BAG2: variants seen among roughly 807,000 people sequenced by gnomAD.
The protein encoded by BAG2 is BAG family molecular chaperone regulator 2.
Under a neutral mutation model 16.4 loss-of-function variants are expected in BAG2, and 8 were observed. The ratio of observed to expected loss-of-function variants is 0.49; its 90% CI spans 0.29 to 0.88. The LOEUF (loss-of-function observed/expected upper bound fraction) is 0.88. Among genes scored for constraint, BAG2 ranks in the 40% least tolerant of loss-of-function variants. BAG2 has a pLI of 0.09. For missense variants in BAG2, 218 were observed against 248.9 expected (o/e 0.88, Z 0.84); for synonymous variants, 82 against 89.2 (o/e 0.92, Z 0.46).
intron 1 of BAG2, among the ~76,000 whole-genome samples, chr6:57,175,646 ATGC>A (rs1764260616): frequency 6.6e-6 from 1 of 152,180 alleles, no homozygotes; most frequent in Non-Finnish European, 1.5e-5. Flanking sequence ...GTTGTCATTC[ATGC>A]TTATATAAAA....
In BAG2 at chr6:57,172,736, G is replaced by C; in HGVS notation, c.39G>C (p.Gly13=). The change falls in exon 1 of 3, where the codon GGG becomes GGC. Residue 13 remains glycine, a synonymous_variant. Transcript: ENST00000370693. ...QAKINAKANE[G]RFCRSSSMAD... ...AGATCAACGCTAAAGCCAACGAGGGGCGCTTCTGCCGCTCCTCCTCCATGG... is the reference window on the plus strand; with the variant it reads ...AGATCAACGCTAAAGCCAACGAGGGCCGCTTCTGCCGCTCCTCCTCCATGG... 1 of 1,581,978 alleles carries C rather than the reference G, an allele frequency of 6.3e-7. No homozygotes were observed. Among genetic ancestry groups the C allele is most frequent in the Non-Finnish European group, 8.6e-7 (1 of 1,166,980 alleles).
chr6:57,172,692 G>C lies in BAG2; in HGVS notation c.-6G>C. 6.4e-7 allele frequency: 1 copy of C among 1,550,678 alleles called. No homozygotes were observed. Among genetic ancestry groups the C allele is most frequent in the South Asian group, 1.2e-5 (1 of 83,162 alleles). On this transcript the variant is annotated 5_prime_UTR_variant, in exon 1 of 3. Coordinates refer to ENST00000370693, the MANE Select transcript of BAG2 (RefSeq NM_004282.4). ...ACCTCTTGGCTACCCCGCGTCGGAG[G>C]CTTAGATGGCTCAGGCGAAGATCAA...
intron 1 of BAG2, among the ~76,000 whole-genome samples, chr6:57,180,603 A>G (rs559702968): frequency 2.6e-5 from 4 of 152,312 alleles, no homozygotes; most frequent in African/African-American, 9.6e-5. Flanking sequence ...AGAAAAAAAC[A>G]AAACATTCTT....
intron 1 of BAG2, chr6:57,173,226 G>A: frequency 2.2e-5 from 22 of 987,684 alleles, no homozygotes; most frequent in Non-Finnish European, 2.6e-5. Flanking sequence ...TTCTCGTTAT[G>A]CATTTTTTAA....
chr6:57,183,648 A>T, intron 2 of BAG2, 130 bp from the exon 3 acceptor site: 1 of 704,774 alleles, frequency 1.4e-6, no homozygotes, highest in Non-Finnish European at 2.2e-6. Context: ...TTAATCTTAC[A>T]TGCTATAGTT....
chr6:57,184,424 C>T lies in BAG2; in HGVS notation c.*234C>T, dbSNP rs2127993752. ...TTGAATTCTTGTCTTGTACTAGGAT[C>T]TAGCATATTTCACTATTCTGTGGAT... On this transcript the variant is annotated 3_prime_UTR_variant, in exon 3 of 3. Coordinates refer to ENST00000370693, the MANE Select transcript of BAG2 (RefSeq NM_004282.4). The T allele has an allele frequency of 3.0e-6, 1 of 336,208 alleles. No individual in the cohort carries two copies. Among genetic ancestry groups the T allele is most frequent in the East Asian group, 4.9e-5 (1 of 20,376 alleles). 20.8% of individuals were successfully genotyped at this position (336,208 alleles called of 1,614,324 possible).
rs551039343 is a variant in BAG2 at position 57,186,797 on chromosome 6, A to G, written c.*2607A>G. The G allele has an allele frequency of 1.2e-4, 18 of 152,320 alleles. No homozygotes were observed. In the East Asian group the frequency reaches 3.3e-3, roughly 28 times the overall value. The allele number at this position is 152,320 out of a possible 1,614,324, so 9.4% of individuals were successfully genotyped here. A position where few individuals can be genotyped will look rare whatever the true frequency, so the allele number is the denominator to read the frequency against. ...CTCAATTCTCTACCATTCCTAGCAT[A>G]TAATACATAATTTTAGGGTAGCCCT... On this transcript the variant is annotated 3_prime_UTR_variant, in exon 3 of 3. Coordinates refer to ENST00000370693, the MANE Select transcript of BAG2 (RefSeq NM_004282.4).
intron 1 of BAG2, among the ~76,000 whole-genome samples, chr6:57,175,408 T>C (rs1309827997): frequency 6.6e-6 from 1 of 150,658 alleles, no homozygotes; most frequent in East Asian, 1.9e-4. Flanking sequence ...GCTTTAGGCC[T>C]CAGGAAAAAG....
At chr6:57,173,202 G>A in intron 1 of BAG2, 1 of 993,384 alleles carries the variant, frequency 1.0e-6, no homozygotes, top group Non-Finnish European at 1.2e-6. Flanking sequence ...GGCCCCAAAC[G>A]TTTTAACTTA....
In BAG2 at chr6:57,172,622, G is replaced by GC; in HGVS notation, c.-75dup. 1 of 1,257,772 alleles carries GC rather than the reference G, an allele frequency of 8.0e-7. No individual in the cohort carries two copies. Among genetic ancestry groups the GC allele is most frequent in the Non-Finnish European group, 1.0e-6 (1 of 957,718 alleles). 77.9% of individuals were successfully genotyped at this position (1,257,772 alleles called of 1,614,324 possible). A position where few individuals can be genotyped will look rare whatever the true frequency, so the allele number is the denominator to read the frequency against. On this transcript the variant is annotated 5_prime_UTR_variant, in exon 1 of 3. Transcript: ENST00000370693. Reference sequence around the variant, plus strand: ...CGCCCGCGTGGTGACGGCGACGCCTGCAGCCCAAGGAGCGCTCCACTCGCT... The same window carrying GC: ...CGCCCGCGTGGTGACGGCGACGCCTGCCAGCCCAAGGAGCGCTCCACTCGCT...
rs2127994478 is a variant in BAG2 at position 57,187,270 on chromosome 6, A to G, written c.*3080A>G. 1 of 152,332 alleles carries G rather than the reference A, an allele frequency of 6.6e-6. No individual in the cohort carries two copies. Among genetic ancestry groups the G allele is most frequent in the African/African-American group, 2.4e-5 (1 of 41,578 alleles). 9.4% of individuals were successfully genotyped at this position (152,332 alleles called of 1,614,324 possible). A position where few individuals can be genotyped will look rare whatever the true frequency, so the allele number is the denominator to read the frequency against. On this transcript the variant is annotated 3_prime_UTR_variant, in exon 3 of 3. Transcript: ENST00000370693. ...AGAGACAGATGAAAATAATAATAATAAAGATTATTATAGCCAAATCATCCA... is the reference window on the plus strand; with the variant it reads ...AGAGACAGATGAAAATAATAATAATGAAGATTATTATAGCCAAATCATCCA...
rs1195350398 is a variant in BAG2, at chr6:57,188,946, T to TAAAAC, written c.*4758_*4762dup. The TAAAAC allele has an allele frequency of 1.3e-5, 2 of 152,098 alleles. No individual in the cohort carries two copies. The highest frequency in any genetic ancestry group is 4.8e-5 in the African/African-American group (2 of 41,424). The allele number at this position is 152,098 out of a possible 1,614,324, so 9.4% of individuals were successfully genotyped here. A position where few individuals can be genotyped will look rare whatever the true frequency, so the allele number is the denominator to read the frequency against. ...AAAGATAAAACACAAAAGGAGTACA[T>TAAAAC]AAAACATTGTTTAGTACAAATAATG... On this transcript the variant is annotated 3_prime_UTR_variant, in exon 3 of 3. Coordinates refer to ENST00000370693, the MANE Select transcript of BAG2 (RefSeq NM_004282.4).
rs762565356 is a variant in BAG2, at chr6:57,183,964, C to T, written c.410C>T (p.Ser137Leu). 6 of 1,613,572 alleles carry T rather than the reference C, an allele frequency of 3.7e-6. No homozygotes were observed. Among genetic ancestry groups the T allele is most frequent in the South Asian group, 1.1e-5 (1 of 90,888 alleles). The change falls in exon 3 of 3, where the codon TCG becomes TTG. Residue 137 changes from serine (S) to leucine (L), a missense_variant. Physicochemically the swap from Ser to Leu is moderately radical, Grantham distance 145. Coordinates refer to ENST00000370693, the MANE Select transcript of BAG2 (RefSeq NM_004282.4). ...GGAAATGCCAAGAGTCATTTAATGT[C>T]GCTCTACAGTGCATGTTCATCTGAG... ...DLGNAKSHLM[S>L]LYSACSSEVP...
At chr6:57,178,110 A>G (rs1170851448) in intron 1 of BAG2, among the ~76,000 whole-genome samples, 1 of 152,216 alleles carries the variant, frequency 6.6e-6, no homozygotes, top group African/African-American at 2.4e-5. Flanking sequence ...TAGTAAAAAC[A>G]GAACTGCCCT....
rs997468832 is a variant in BAG2, at chr6:57,187,417, G to A, written c.*3227G>A. 1 of 152,100 alleles carries A rather than the reference G, an allele frequency of 6.6e-6. No individual in the cohort carries two copies. Among genetic ancestry groups the A allele is most frequent in the Non-Finnish European group, 1.5e-5 (1 of 68,008 alleles). The allele number at this position is 152,100 out of a possible 1,614,324, so 9.4% of individuals were successfully genotyped here. On this transcript the variant is annotated 3_prime_UTR_variant, in exon 3 of 3. Coordinates refer to ENST00000370693, the MANE Select transcript of BAG2 (RefSeq NM_004282.4). The stretch of plus-strand genomic sequence containing the variant: ...CATGTTTTATAGCTGAAAACCTAAG[G>A]AGTGACAATAGTACATGTGACATTC...
chr6:57,178,061 C>A (rs1215776460), intron 1 of BAG2, among the ~76,000 whole-genome samples: 1 of 152,178 alleles, frequency 6.6e-6, no homozygotes, highest in Non-Finnish European at 1.5e-5. Context: ...AGGAAAAGTT[C>A]TTTCCCAATT....
chr6:57,183,681 T>A (rs1314590866), intron 2 of BAG2, 97 bp from the exon 3 acceptor site: 3 of 1,131,966 alleles, frequency 2.7e-6, no homozygotes, highest in African/African-American at 1.6e-5. Context: ...TCTAAAAAAA[T>A]TTCATGGCAG....
chr6:57,176,955 A>G (rs1764301713), intron 1 of BAG2, among the ~76,000 whole-genome samples: 1 of 152,236 alleles, frequency 6.6e-6, no homozygotes, highest in Non-Finnish European at 1.5e-5. Flanking sequence ...TCTTCACACT[A>G]AAAACACTAG....
At chr6:57,177,362 G>A (rs751375574) in intron 1 of BAG2, among the ~76,000 whole-genome samples, 2 of 152,134 alleles carry the variant, frequency 1.3e-5, no homozygotes, top group African/African-American at 2.4e-5. Context: ...GTTGCAGTGA[G>A]CTGAGATCAC....
Sources: gnomAD v4.1 joint callset for allele counts (sites outside exome capture counted in the v4.1 genomes callset) on GRCh38, gnomAD v4.1.1 for gene constraint, MANE v1.5 for transcripts, NCBI Gene and HGNC (gene_info 2026-07-23, HGNC 2026-07-21) for gene names.